RAB38: variants seen among roughly 807,000 people sequenced by gnomAD.
RAB38 encodes the protein ras-related protein Rab-38.
In RAB38, 15 loss-of-function variants were observed where a neutral mutation model predicts 18.4. That is an observed-to-expected ratio of 0.82 (90% CI 0.55 to 1.26). The LOEUF (loss-of-function observed/expected upper bound fraction) is 1.26, where lower values mean the gene tolerates loss of function less well. Ranked by LOEUF, RAB38 falls within the 50% of genes most tolerant of loss-of-function variation. The pLI is 0.00. For missense variants in RAB38, 294 were observed against 267.4 expected (o/e 1.10, Z -0.69); for synonymous variants, 101 against 104.4 (o/e 0.97, Z 0.20).
At chr11:87,901,581 C>T in the RAB38 span, among the ~76,000 whole-genome samples, 6 of 151,546 alleles carry the variant, frequency 4.0e-5, no homozygotes, top group Non-Finnish European at 7.4e-5. Flanking sequence ...CATTCTCAAC[C>T]CTAACTGAAC....
At chr11:87,926,886 G>C in the RAB38 span, among the ~76,000 whole-genome samples, 2 of 152,012 alleles carry the variant, frequency 1.3e-5, no homozygotes, top group Admixed American at 1.3e-4. Context: ...GGCTAGGCTA[G>C]TTTGTTTTGA....
the RAB38 span, among the ~76,000 whole-genome samples, chr11:88,070,593 A>G: frequency 6.6e-6 from 1 of 152,220 alleles, no homozygotes; most frequent in East Asian, 1.9e-4. Context: ...TTTCATGCAC[A>G]TGTGAGAAAG....
chr11:87,850,486 G>A, the RAB38 span, among the ~76,000 whole-genome samples: 13 of 151,942 alleles, frequency 8.6e-5, no homozygotes, highest in East Asian at 3.9e-4. Context: ...GTGTGTGCAC[G>A]CGCATGCACT....
the RAB38 span, among the ~76,000 whole-genome samples, chr11:88,048,310 C>A: frequency 6.6e-6 from 1 of 152,082 alleles, no homozygotes; most frequent in South Asian, 2.1e-4. Flanking sequence ...CTCGGTTTGG[C>A]CTTCTCACTT....
chr11:87,945,517 A>G, the RAB38 span, among the ~76,000 whole-genome samples: 1 of 152,168 alleles, frequency 6.6e-6, no homozygotes, highest in Non-Finnish European at 1.5e-5. Flanking sequence ...AAAAGAGAAT[A>G]GGAATGAATT....
chr11:87,807,035 C>T, the RAB38 span, among the ~76,000 whole-genome samples: 1 of 152,132 alleles, frequency 6.6e-6, no homozygotes, highest in Non-Finnish European at 1.5e-5. Context: ...CCTGTCAGAT[C>T]AGTGGGGTAT....
the RAB38 span, among the ~76,000 whole-genome samples, chr11:87,846,917 C>A: frequency 6.6e-6 from 1 of 152,002 alleles, no homozygotes; most frequent in African/African-American, 2.4e-5. Context: ...AAATTGTACA[C>A]ATAAATAATT....
chr11:87,820,517 T>C, the RAB38 span, among the ~76,000 whole-genome samples: 2 of 152,260 alleles, frequency 1.3e-5, no homozygotes, highest in East Asian at 3.9e-4. Flanking sequence ...AGCCACATAT[T>C]TAAATCAGAG....
chr11:88,056,803 C>CAAGA, the RAB38 span, among the ~76,000 whole-genome samples: 1 of 121,292 alleles, frequency 8.2e-6, no homozygotes, highest in Admixed American at 8.9e-5. Flanking sequence ...GACTCCGTCT[C>CAAGA]AATAAATAAA....
At chr11:88,127,419 T>C (rs1293772363) in intron 2 of RAB38, among the ~76,000 whole-genome samples, 1 of 152,182 alleles carries the variant, frequency 6.6e-6, no homozygotes, top group Non-Finnish European at 1.5e-5. Flanking sequence ...AGAACTCTTA[T>C]CTAATGCTGT....
At chr11:88,049,691 C>T in the RAB38 span, among the ~76,000 whole-genome samples, 1 of 152,086 alleles carries the variant, frequency 6.6e-6, no homozygotes, top group African/African-American at 2.4e-5. Context: ...ATCCCCTCTC[C>T]TCCTGCTCTT....
chr11:88,153,875 T>C (rs189021858), intron 1 of RAB38, among the ~76,000 whole-genome samples: 11 of 152,242 alleles, frequency 7.2e-5, no homozygotes, highest in South Asian at 4.1e-4. Flanking sequence ...CACATGGAAA[T>C]AGCAAGATAG....
the RAB38 span, among the ~76,000 whole-genome samples, chr11:87,884,122 C>G: frequency 6.6e-6 from 1 of 151,892 alleles, no homozygotes. Context: ...TAAATGGTCT[C>G]TATAAACCAT....
At chr11:87,919,426 G>A in the RAB38 span, among the ~76,000 whole-genome samples, 32 of 151,850 alleles carry the variant, frequency 2.1e-4, no homozygotes, top group African/African-American at 7.7e-4. Context: ...ATATTAAACT[G>A]TTCTTGAATT....
chr11:88,152,863 G>T (rs1943080490), intron 1 of RAB38, among the ~76,000 whole-genome samples: 1 of 152,196 alleles, frequency 6.6e-6, no homozygotes, highest in Admixed American at 6.5e-5. Flanking sequence ...CTTTGTGCTG[G>T]AAATATACAG....
chr11:88,074,346 G>A, the RAB38 span, among the ~76,000 whole-genome samples: 1 of 152,124 alleles, frequency 6.6e-6, no homozygotes, highest in Non-Finnish European at 1.5e-5. Flanking sequence ...AGCTTGTTAA[G>A]TATAGGCAAT....
intron 1 of RAB38, among the ~76,000 whole-genome samples, chr11:88,171,796 T>C (rs563990211): frequency 1.1e-3 from 168 of 152,374 alleles, no homozygotes; most frequent in African/African-American, 3.9e-3. Flanking sequence ...TTATAGTCTC[T>C]GGATTTGGAG....
chr11:87,943,930 T>C, the RAB38 span, among the ~76,000 whole-genome samples: 4 of 152,182 alleles, frequency 2.6e-5, no homozygotes, highest in African/African-American at 9.6e-5. Flanking sequence ...TTTGATTTCC[T>C]GTTTGGCCAA....
the RAB38 span, among the ~76,000 whole-genome samples, chr11:87,957,691 C>T: frequency 1.5e-4 from 23 of 152,012 alleles, no homozygotes; most frequent in African/African-American, 4.6e-4. Context: ...CAGAGAGTGA[C>T]GTTTCTAGGT....
Sources: allele counts gnomAD v4.1 joint callset (sites outside exome capture counted in the v4.1 genomes callset), GRCh38; gene constraint gnomAD v4.1.1; transcripts MANE v1.5; gene names NCBI Gene and HGNC (gene_info 2026-07-23, HGNC 2026-07-21).